Variants in SDHAF3 observed in about 807,000 individuals in gnomAD.
SDHAF3 encodes the protein succinate dehydrogenase assembly factor 3, mitochondrial.
Under a neutral mutation model 11.5 loss-of-function variants are expected in SDHAF3, and 18 were observed. The ratio of observed to expected loss-of-function variants is 1.56; its 90% CI spans 1.08 to 2.32. The LOEUF (loss-of-function observed/expected upper bound fraction) is 2.32. Ranked by LOEUF, SDHAF3 falls within the 30% of genes most tolerant of loss-of-function variation. The pLI is 0.00. For synonymous variants in SDHAF3, 72 were observed against 59.3 expected (o/e 1.21, Z -0.99); for missense variants, 200 against 154.4 (o/e 1.30, Z -1.57).
intron 1 of SDHAF3, chr7:97,136,438 C>T: frequency 1.5e-6 from 1 of 652,920 alleles, no homozygotes; most frequent in Non-Finnish European, 2.8e-6. Context: ...ATTTCTGTTT[C>T]ATGTGAAGAA....
At chr7:97,176,293 G>A (rs1450526663) in intron 1 of SDHAF3, among the ~76,000 whole-genome samples, 3 of 152,162 alleles carry the variant, frequency 2.0e-5, no homozygotes, top group African/African-American at 7.2e-5. Flanking sequence ...CTTACCCTGA[G>A]GAAGCACTGC....
At chr7:97,125,563 A>T (rs1791561973) in intron 1 of SDHAF3, among the ~76,000 whole-genome samples, 1 of 152,044 alleles carries the variant, frequency 6.6e-6, no homozygotes, top group African/African-American at 2.4e-5. Flanking sequence ...TATTGTCTCC[A>T]TGCCTTATTT....
chr7:97,146,174 C>T (rs578040591), intron 1 of SDHAF3, among the ~76,000 whole-genome samples: 68 of 152,030 alleles, frequency 4.5e-4, no homozygotes, highest in Non-Finnish European at 8.4e-4. Context: ...AAAGAGATAA[C>T]ATGACATTTT....
At chr7:97,171,559 T>A (rs1183734507) in intron 1 of SDHAF3, among the ~76,000 whole-genome samples, 2 of 152,094 alleles carry the variant, frequency 1.3e-5, no homozygotes, top group African/African-American at 4.8e-5. Context: ...ATTTAAAAAG[T>A]CAAGTTTTTA....
intron 1 of SDHAF3, among the ~76,000 whole-genome samples, chr7:97,175,250 T>TA (rs1400176103): frequency 6.6e-6 from 1 of 152,210 alleles, no homozygotes; most frequent in African/African-American, 2.4e-5. Context: ...ATTGTTTTCT[T>TA]AATGTTATTA....
chr7:97,176,962 T>A (rs1789688536), intron 1 of SDHAF3, among the ~76,000 whole-genome samples: 1 of 152,160 alleles, frequency 6.6e-6, no homozygotes, highest in South Asian at 2.1e-4. Context: ...CCTTTCTTAC[T>A]CCTCAGAGGT....
intron 1 of SDHAF3, among the ~76,000 whole-genome samples, chr7:97,176,628 G>A (rs1488415436): frequency 1.3e-5 from 2 of 152,058 alleles, no homozygotes; most frequent in African/African-American, 2.4e-5. Flanking sequence ...AAGACTAGTC[G>A]GTAATGGGTG....
chr7:97,138,099 A>T (rs559598092), intron 1 of SDHAF3, among the ~76,000 whole-genome samples: 1 of 150,870 alleles, frequency 6.6e-6, no homozygotes, highest in South Asian at 2.1e-4. Context: ...ACCTCAAGTG[A>T]TCCACCCGCC....
intron 1 of SDHAF3, among the ~76,000 whole-genome samples, chr7:97,152,180 G>A (rs1584223585): frequency 6.6e-6 from 1 of 152,058 alleles, no homozygotes; most frequent in Admixed American, 6.6e-5. Context: ...ACCCCCAATG[G>A]GTTCTACTTG....
chr7:97,129,352 C>A (rs141976240), intron 1 of SDHAF3, among the ~76,000 whole-genome samples: 1 of 152,130 alleles, frequency 6.6e-6, no homozygotes, highest in African/African-American at 2.4e-5. Context: ...TGTTTGTATT[C>A]GGAACTGTGG....
At chr7:97,157,239 A>AT (rs1472737515) in intron 1 of SDHAF3, among the ~76,000 whole-genome samples, 5 of 152,142 alleles carry the variant, frequency 3.3e-5, no homozygotes, top group African/African-American at 1.2e-4. Context: ...TCCTGAGTTG[A>AT]TTCTTTTTTA....
chr7:97,150,418 A>G (rs1247584418), intron 1 of SDHAF3, among the ~76,000 whole-genome samples: 1 of 152,156 alleles, frequency 6.6e-6, no homozygotes, highest in Non-Finnish European at 1.5e-5. Flanking sequence ...AGTCAAAATT[A>G]CTTGATCCGT....
chr7:97,159,152 A>G lies in SDHAF3; in HGVS notation c.175-21860A>G, dbSNP rs567210491. Among the ~76,000 whole-genome samples, 5 of 152,366 alleles carry G rather than the reference A, an allele frequency of 3.3e-5. No individual in the cohort carries two copies. The South Asian group carries it at 1.0e-3, about 32-fold the overall frequency. ...TAATTAGTGCCAGCCTCTATAACAAATAATTCCAAAGTCTTAGTGGCTTAA... is the reference window on the plus strand; with the variant it reads ...TAATTAGTGCCAGCCTCTATAACAAGTAATTCCAAAGTCTTAGTGGCTTAA... On this transcript the variant is annotated intron_variant, in intron 1 of 1. Coordinates refer to ENST00000432641, the MANE Select transcript of SDHAF3 (RefSeq NM_020186.3).
intron 1 of SDHAF3, among the ~76,000 whole-genome samples, chr7:97,156,294 G>GA (rs1394035477): frequency 6.6e-6 from 1 of 152,150 alleles, no homozygotes; most frequent in African/African-American, 2.4e-5. Flanking sequence ...TCTTTCTCAT[G>GA]AAAAAACTGG....
chr7:97,119,954 GTGA>G (rs764255478), intron 1 of SDHAF3, among the ~76,000 whole-genome samples: 1 of 152,262 alleles, frequency 6.6e-6, no homozygotes, highest in South Asian at 2.1e-4. Flanking sequence ...CTTCTTACTG[GTGA>G]TGATAACTGT....
At chr7:97,119,700 T>C (rs7794886) in intron 1 of SDHAF3, among the ~76,000 whole-genome samples, 61,213 of 152,000 alleles carry the variant, frequency 0.4, 12,513 homozygotes, top group East Asian at 0.49. Flanking sequence ...TGCATTTAGT[T>C]ATTCTTTTTC....
chr7:97,144,280 G>A (rs1305067278), intron 1 of SDHAF3, among the ~76,000 whole-genome samples: 7 of 152,068 alleles, frequency 4.6e-5, no homozygotes, highest in Non-Finnish European at 1.0e-4. Flanking sequence ...TCCCACTCTT[G>A]TGTGTTGTCT....
At chr7:97,120,838 A>G (rs1387844708) in intron 1 of SDHAF3, among the ~76,000 whole-genome samples, 5 of 152,186 alleles carry the variant, frequency 3.3e-5, no homozygotes, top group Non-Finnish European at 7.3e-5. Context: ...TAGAGGCCCC[A>G]TATTTGGAAG....
At chr7:97,166,496 G>T (rs1410879002) in intron 1 of SDHAF3, among the ~76,000 whole-genome samples, 2 of 152,186 alleles carry the variant, frequency 1.3e-5, no homozygotes, top group Admixed American at 1.3e-4. Flanking sequence ...TGGAGAGGAA[G>T]GTTCTTGTTA....
Sources: allele counts gnomAD v4.1 joint callset (sites outside exome capture counted in the v4.1 genomes callset), GRCh38; gene constraint gnomAD v4.1.1; transcripts MANE v1.5; gene names NCBI Gene and HGNC (gene_info 2026-07-23, HGNC 2026-07-21).